The following AGBL4 variants were observed in gnomAD, a reference collection of about 807,000 sequenced individuals.
AGBL4 encodes the protein cytosolic carboxypeptidase 6.
Under a neutral mutation model 66.4 loss-of-function variants are expected in AGBL4, and 58 were observed. The ratio of observed to expected loss-of-function variants is 0.87; its 90% confidence interval spans 0.71 to 1.09. AGBL4 has a LOEUF of 1.09. AGBL4 is among the 50% of genes least tolerant of loss of function. AGBL4 has a pLI of 0.00. For missense variants in AGBL4, 579 were observed against 631.0 expected, an observed-to-expected ratio of 0.92 and a Z score of 0.88; for synonymous variants, 234 against 222.9, an observed-to-expected ratio of 1.05 and a Z score of -0.44.
chr1:49,734,301 CAG>C (rs892174380), intron 2 of AGBL4, among the ~76,000 whole-genome samples: 1 of 149,634 alleles, frequency 6.7e-6, no homozygotes, highest in Non-Finnish European at 1.5e-5. Context: ...GAGAGAGAGA[CAG>C]AGAGACAGAG....
chr1:49,678,856 AT>A (rs1322151985), intron 3 of AGBL4, among the ~76,000 whole-genome samples: 10 of 152,078 alleles, frequency 6.6e-5, no homozygotes, highest in Non-Finnish European at 7.4e-5. Flanking sequence ...ATTTCCTAAA[AT>A]TTTTTAAGGT....
chr1:49,749,423 G>C (rs1194562094), intron 2 of AGBL4, among the ~76,000 whole-genome samples: 2 of 152,054 alleles, frequency 1.3e-5, no homozygotes, highest in Non-Finnish European at 2.9e-5. Context: ...AAGGCATAAA[G>C]ATTAGGAAAG....
intron 2 of AGBL4, among the ~76,000 whole-genome samples, chr1:49,778,156 T>A (rs970158959): frequency 6.6e-6 from 1 of 152,172 alleles, no homozygotes; most frequent in Non-Finnish European, 1.5e-5. Flanking sequence ...GAAGTTCTAC[T>A]CAAGGCAGAG....
chr1:48,583,491 T>C (rs1644770139), intron 11 of AGBL4, among the ~76,000 whole-genome samples: 2 of 152,208 alleles, frequency 1.3e-5, no homozygotes, highest in South Asian at 2.1e-4. Flanking sequence ...AACCCAGATA[T>C]GTCTGAATCG....
At chr1:48,690,625 G>C (rs973620663) in intron 6 of AGBL4, among the ~76,000 whole-genome samples, 10 of 151,818 alleles carry the variant, frequency 6.6e-5, no homozygotes, top group Non-Finnish European at 1.3e-4. Context: ...ACAGGAAAAG[G>C]ACCTTTTCTA....
chr1:48,855,670 G>T (rs1274143504), intron 6 of AGBL4, among the ~76,000 whole-genome samples: 1 of 151,908 alleles, frequency 6.6e-6, no homozygotes, highest in Non-Finnish European at 1.5e-5. Context: ...AAAGTAAAAA[G>T]CTTTTTGCAC....
intron 4 of AGBL4, among the ~76,000 whole-genome samples, chr1:49,111,694 T>C (rs547270106): frequency 1.3e-5 from 2 of 152,358 alleles, no homozygotes; most frequent in Admixed American, 1.3e-4. Flanking sequence ...AGTCTCTCTT[T>C]ACCATCATAT....
chr1:49,087,510 C>A (rs1047381546), intron 4 of AGBL4, among the ~76,000 whole-genome samples: 3 of 151,980 alleles, frequency 2.0e-5, no homozygotes, highest in Non-Finnish European at 4.4e-5. Flanking sequence ...ACTGGCTCTC[C>A]AAAATAACTC....
intron 6 of AGBL4, among the ~76,000 whole-genome samples, chr1:48,804,259 G>A (rs1170062296): frequency 6.6e-6 from 1 of 152,094 alleles, no homozygotes; most frequent in Non-Finnish European, 1.5e-5. Context: ...ATGTGCAATA[G>A]CCAAAGCATT....
intron 1 of AGBL4, among the ~76,000 whole-genome samples, chr1:49,985,577 G>A (rs1659432903): frequency 1.3e-5 from 2 of 152,198 alleles, no homozygotes; most frequent in African/African-American, 4.8e-5. Context: ...ATAGATGAGA[G>A]ATGGTTAAGA....
chr1:49,280,681 G>A (rs950798599), intron 3 of AGBL4, among the ~76,000 whole-genome samples: 5 of 152,164 alleles, frequency 3.3e-5, no homozygotes, highest in Non-Finnish European at 7.4e-5. Flanking sequence ...TTGAGGTCAA[G>A]GTGAAAAAGG....
rs141512730 is a variant in AGBL4, at chr1:48,825,421, T to C, written c.634+41770A>G. ...CTTGATATCCCAGCATAACTAGGAC[T>C]TTGTGGCACAATATCTTATTGCACC... On this transcript the variant is annotated intron_variant, in intron 6 of 13. Coordinates refer to ENST00000371839, the MANE Select transcript of AGBL4 (RefSeq NM_032785.4). 7.6e-3 allele frequency among the ~76,000 whole-genome samples: 1,163 copies of C among 152,332 alleles called. 9 individuals carry two copies. The highest frequency in any genetic ancestry group is 0.015 in the Admixed American group (225 of 15,298).
intron 5 of AGBL4, among the ~76,000 whole-genome samples, chr1:48,990,351 T>C (rs1660509896): frequency 6.6e-6 from 1 of 152,140 alleles, no homozygotes; most frequent in African/African-American, 2.4e-5. Context: ...TCTTCACTTT[T>C]TGATTGTTTC....
Position 48,982,778 on chromosome 1 carries a change from C to G in AGBL4, c.594+62806G>C, listed in dbSNP as rs187592898. On this transcript the variant is annotated intron_variant, in intron 5 of 13. Transcript: ENST00000371839. ...TCTAGATCCCTGAGGAATTGCCACA[C>G]TGACTTCCCCAATGGTTGAACTAGT... Among the ~76,000 whole-genome samples, 443 of 152,300 alleles carry G rather than the reference C, an allele frequency of 2.9e-3. 2 individuals carry two copies. The highest frequency in any genetic ancestry group is 0.01 in the African/African-American group (420 of 41,564).
In AGBL4 at chr1:48,712,622, G is replaced by A. The variant is rs887783260; in HGVS notation, c.635-49381C>T. On this transcript the variant is annotated intron_variant, in intron 6 of 13. Coordinates refer to ENST00000371839, the MANE Select transcript of AGBL4 (RefSeq NM_032785.4). ...GGTTAAGGGACTTGCTCAGCTGCAG[G>A]CCTAGCACCCAGGAAGCATCCAGTA... 1.9e-4 allele frequency among the ~76,000 whole-genome samples: 29 copies of A among 152,156 alleles called. 1 individual carries two copies. The highest frequency in any genetic ancestry group is 7.0e-4 in the African/African-American group (29 of 41,424).
intron 3 of AGBL4, among the ~76,000 whole-genome samples, chr1:49,428,256 T>C (rs1236224513): frequency 6.6e-6 from 1 of 152,230 alleles, no homozygotes; most frequent in Non-Finnish European, 1.5e-5. Flanking sequence ...GTTCAGTTAA[T>C]GTTTTGTTTT....
intron 3 of AGBL4, among the ~76,000 whole-genome samples, chr1:49,660,379 C>T (rs931865477): frequency 1.3e-5 from 2 of 152,016 alleles, no homozygotes; most frequent in Admixed American, 6.6e-5. Flanking sequence ...ATTAGAGAAA[C>T]GCAAATCAAA....
chr1:49,260,995 TG>T (rs1449382320), intron 3 of AGBL4, among the ~76,000 whole-genome samples: 1 of 151,598 alleles, frequency 6.6e-6, no homozygotes, highest in Non-Finnish European at 1.5e-5. Flanking sequence ...GATGCAAGGC[TG>T]GTTCAATATA....
At chr1:49,684,522 C>T (rs1646752897) in intron 3 of AGBL4, among the ~76,000 whole-genome samples, 1 of 152,072 alleles carries the variant, frequency 6.6e-6, no homozygotes, top group Admixed American at 6.6e-5. Context: ...CAGTGTGAAG[C>T]TCATATTAGT....
Sources: allele counts gnomAD v4.1 joint callset (sites outside exome capture counted in the v4.1 genomes callset), GRCh38; gene constraint gnomAD v4.1.1; transcripts MANE v1.5; gene names NCBI Gene and HGNC (gene_info 2026-07-23, HGNC 2026-07-21).